Variants in SRGAP1 observed in about 807,000 individuals in gnomAD.
SRGAP1 encodes SLIT-ROBO Rho GTPase activating protein 1.
In SRGAP1, 43 loss-of-function variants were observed where a neutral mutation model predicts 121.9. The ratio of observed to expected loss-of-function variants is 0.35; its 90% CI spans 0.28 to 0.46. SRGAP1 has a LOEUF of 0.46. Ranked by LOEUF, SRGAP1 falls within the 20% of genes least tolerant of loss-of-function variation. The pLI is 1.00. For missense variants in SRGAP1, 1,102 were observed against 1,350.9 expected (o/e 0.82, Z 2.89); for synonymous variants, 447 against 485.4 (o/e 0.92, Z 1.04).
Position 64,094,928 on chromosome 12 carries a change from C to T in SRGAP1, c.1540-4C>T. On this transcript the variant is annotated splice_region_variant and splice_polypyrimidine_tract_variant and intron_variant, in intron 12 of 21. Transcript: ENST00000355086. ...GGTTAACTGGTTTCCATCCCTTTAC[C>T]CAGGACTCAGGACAGGTTATTCCCC... 1.2e-6 allele frequency: 2 copies of T among 1,613,968 alleles called. No individual in the cohort carries two copies. Among genetic ancestry groups the T allele is most frequent in the African/African-American group, 2.7e-5 (2 of 75,014 alleles).
intron 1 of SRGAP1, among the ~76,000 whole-genome samples, chr12:63,886,887 T>A (rs747802776): frequency 1.3e-5 from 2 of 152,090 alleles, no homozygotes; most frequent in Non-Finnish European, 2.9e-5. Context: ...TTTGTTTTTG[T>A]TTTTGAGATG....
intron 1 of SRGAP1, among the ~76,000 whole-genome samples, chr12:63,942,508 T>C (rs112142402): frequency 3.9e-5 from 6 of 152,372 alleles, no homozygotes; most frequent in Middle Eastern, 3.4e-3. Flanking sequence ...TCTGCTGATA[T>C]GCTGTTGTTC....
chr12:63,876,080 C>T (rs1403409205), intron 1 of SRGAP1, among the ~76,000 whole-genome samples: 1 of 152,128 alleles, frequency 6.6e-6, no homozygotes, highest in Non-Finnish European at 1.5e-5. Flanking sequence ...ATGAAACCAA[C>T]ATAAAAAGTT....
At chr12:63,925,394 T>G (rs1482646342) in intron 1 of SRGAP1, among the ~76,000 whole-genome samples, 1 of 152,200 alleles carries the variant, frequency 6.6e-6, no homozygotes, top group Non-Finnish European at 1.5e-5. Context: ...TTAAGTTAAA[T>G]TTGAGGAAAA....
At chr12:63,926,852 TTA>T (rs1299789574) in intron 1 of SRGAP1, among the ~76,000 whole-genome samples, 1 of 152,214 alleles carries the variant, frequency 6.6e-6, no homozygotes, top group Non-Finnish European at 1.5e-5. Context: ...TACCTTCGTA[TTA>T]TGTCTTTTTT....
chr12:64,127,914 G>C lies in SRGAP1; in HGVS notation c.2594G>C (p.Ser865Thr). The C allele has an allele frequency of 1.2e-6, 2 of 1,614,162 alleles. No individual in the cohort carries two copies. Among genetic ancestry groups the C allele is most frequent in the South Asian group, 1.1e-5 (1 of 91,068 alleles). Residue 865 changes from serine to threonine, a missense_variant, in exon 21 of 22, where the codon AGT (serine) becomes ACT (threonine). Ser to Thr is a moderately conservative substitution (Grantham distance 58). Coordinates refer to ENST00000355086, the MANE Select transcript of SRGAP1 (RefSeq NM_020762.4). ...CCAGTAAGGCGTCCTGGCAGGACCA[G>C]TGATGGCCATTGCCCGCTCCACCCT... ...PPPVRRPGRT[S>T]DGHCPLHPPH...
chr12:64,037,920 C>T (rs1413342685), intron 4 of SRGAP1, among the ~76,000 whole-genome samples: 2 of 152,226 alleles, frequency 1.3e-5, no homozygotes, highest in Non-Finnish European at 2.9e-5. Flanking sequence ...CTCTTTTCCT[C>T]TATTCCTACA....
intron 1 of SRGAP1, among the ~76,000 whole-genome samples, chr12:63,951,049 A>G (rs1439306434): frequency 6.8e-6 from 1 of 146,742 alleles, no homozygotes; most frequent in African/African-American, 2.6e-5. Flanking sequence ...GAAGGGATTC[A>G]TTCGTATCCT....
chr12:63,917,373 C>T (rs1195619725), intron 1 of SRGAP1, among the ~76,000 whole-genome samples: 1 of 152,108 alleles, frequency 6.6e-6, no homozygotes, highest in Non-Finnish European at 1.5e-5. Context: ...ACAGTATGGT[C>T]CATTAGAGGT....
At chr12:64,097,960 T>C (rs986927868) in intron 15 of SRGAP1, among the ~76,000 whole-genome samples, 1 of 152,152 alleles carries the variant, frequency 6.6e-6, no homozygotes, top group Non-Finnish European at 1.5e-5. Context: ...TGGGGGCTTT[T>C]TGACACTATA....
chr12:63,852,584 C>G (rs997984839), intron 1 of SRGAP1, among the ~76,000 whole-genome samples: 2 of 152,302 alleles, frequency 1.3e-5, no homozygotes, highest in African/African-American at 2.4e-5. Context: ...AAGCACATTC[C>G]TGGCCCTGGG....
At chr12:63,851,502 T>C (rs1899071657) in intron 1 of SRGAP1, among the ~76,000 whole-genome samples, 1 of 152,144 alleles carries the variant, frequency 6.6e-6, no homozygotes, top group South Asian at 2.1e-4. Context: ...CACTGATTAG[T>C]TGTGTGATCT....
intron 1 of SRGAP1, among the ~76,000 whole-genome samples, chr12:63,917,262 C>G (rs965284322): frequency 5.9e-5 from 9 of 152,152 alleles, no homozygotes; most frequent in Non-Finnish European, 1.0e-4. Flanking sequence ...TATTATTCAT[C>G]TGGGATTCTC....
intron 2 of SRGAP1, among the ~76,000 whole-genome samples, chr12:63,986,766 G>T (rs2033430664): frequency 1.3e-5 from 2 of 152,138 alleles, no homozygotes; most frequent in South Asian, 4.1e-4. Flanking sequence ...TTTGCATTTG[G>T]TAATTGGTGG....
chr12:63,955,330 TAAATAA>T (rs2032431211), intron 1 of SRGAP1, among the ~76,000 whole-genome samples: 1 of 151,970 alleles, frequency 6.6e-6, no homozygotes, highest in Admixed American at 6.6e-5. Context: ...AGAAAAAAAA[TAAATAA>T]AAATAAAAAC....
intron 21 of SRGAP1, among the ~76,000 whole-genome samples, chr12:64,133,042 A>G (rs567676755): frequency 6.6e-6 from 1 of 152,328 alleles, no homozygotes; most frequent in East Asian, 1.9e-4. Context: ...CACTTGGTTA[A>G]GCTTACAATA....
chr12:64,032,601 C>A, intron 4 of SRGAP1: 1 of 582,324 alleles, frequency 1.7e-6, no homozygotes. Context: ...CCCCCGACAG[C>A]TGACAACAAG....
At chr12:64,115,992 T>TA in intron 18 of SRGAP1, 99 bp downstream of exon 18, 1 of 1,125,810 alleles carries the variant, frequency 8.9e-7, no homozygotes, top group South Asian at 1.5e-5. Flanking sequence ...CAGTGGCTCC[T>TA]ACCTATAATC....
chr12:63,945,055 C>T (rs937506782), intron 1 of SRGAP1, among the ~76,000 whole-genome samples: 4 of 152,144 alleles, frequency 2.6e-5, no homozygotes, highest in Non-Finnish European at 5.9e-5. Context: ...CCACAGGAAG[C>T]GTCCCCCAAG....
Sources: gnomAD v4.1 joint callset for allele counts (sites outside exome capture counted in the v4.1 genomes callset) on GRCh38, gnomAD v4.1.1 for gene constraint, MANE v1.5 for transcripts, NCBI Gene and HGNC (gene_info 2026-07-23, HGNC 2026-07-21) for gene names.